The following ARHGEF1 variants were observed in gnomAD, a reference collection of about 807,000 sequenced individuals.
The protein encoded by ARHGEF1 is Rho guanine nucleotide exchange factor 1.
ARHGEF1 carries 40 observed loss-of-function variants against 119.7 expected under a neutral mutation model. That is an observed-to-expected ratio of 0.33 (90% CI 0.26 to 0.44). The LOEUF is 0.44. Among genes scored for constraint, ARHGEF1 ranks in the 20% least tolerant of loss-of-function variants. The pLI, the probability that ARHGEF1 is intolerant of heterozygous loss-of-function variation, is 1.00. For missense variants in ARHGEF1, 976 were observed against 1,268.3 expected (o/e 0.77, Z 3.50); for synonymous variants, 494 against 521.0 (o/e 0.95, Z 0.71).
rs1051463397 is a variant in ARHGEF1 at position 41,884,382 on chromosome 19, G to T, written c.-20+1093G>T. The T allele has an allele frequency of 1.9e-6, 3 of 1,563,248 alleles. No individual in the cohort carries two copies. The African/African-American group carries it at 4.0e-5, about 21-fold the overall frequency. The stretch of plus-strand genomic sequence containing the variant: ...GAGGAGTGGAGCTGGGCGCAAAGGT[G>T]GACTCAGGGCGGCTAGAGCGACGCG... On this transcript the variant is annotated intron_variant, in intron 1 of 28. Transcript: ENST00000354532.
chr19:41,892,906 G>A lies in ARHGEF1; in HGVS notation c.614+57G>A, dbSNP rs1056021857. ...CCCTCCCCAGCACAAGGGCACCCGT[G>A]CTACCTCTGGCATGTTCCATCCCGT... On this transcript the variant is annotated intron_variant, in intron 7 of 28. Transcript: ENST00000354532. This position sits in a 1 kb window ranked among gnomAD's most constrained non-coding sequence, Gnocchi z 6.3. 9 of 1,443,322 alleles carry A rather than the reference G, an allele frequency of 6.2e-6. No homozygotes were observed. The highest frequency in any genetic ancestry group is 2.8e-5 in the African/African-American group (2 of 70,182). The allele number at this position is 1,443,322 out of a possible 1,614,324, so 89.4% of individuals were successfully genotyped here. A position where few individuals can be genotyped will look rare whatever the true frequency, so the allele number is the denominator to read the frequency against.
At chr19:41,908,180 C>T, downstream of ARHGEF1, 7 of 1,225,640 alleles carry the variant, frequency 5.7e-6, no homozygotes, top group Non-Finnish European at 6.1e-6. The surrounding 1 kb of genome is among the most constrained non-coding windows in gnomAD (Gnocchi z 6.7). Flanking sequence ...GGCAGACGGG[C>T]AGCCACCCTG....
At chr19:41,927,381 A>G (rs782455994) in intron 1 of ARHGEF1, among the ~76,000 whole-genome samples, 9 of 152,070 alleles carry the variant, frequency 5.9e-5, no homozygotes, top group Non-Finnish European at 1.0e-4. Context: ...CTCATACCAA[A>G]TATCCAGACC....
At chr19:41,897,923 C>T (rs1166247669) in intron 13 of ARHGEF1, 2 of 1,295,764 alleles carry the variant, frequency 1.5e-6, no homozygotes, top group Admixed American at 7.3e-5. Flanking sequence ...CTGCCTGACT[C>T]TGTCCTTGGC....
At position 41,894,474 on chromosome 19, in the gene ARHGEF1, C is replaced by A; in HGVS notation, c.768C>A (p.Asp256Glu). The stretch of plus-strand genomic sequence containing the variant: ...AGGTGATGGGGAACCGGCGGTCGGA[C>A]GAGCCTGCCAAGACCAAGAAGGGGC... ...RKKVMGNRRS[D>E]EPAKTKKGLS... The change falls in exon 10 of 29, where the codon GAC becomes GAA. Residue 256 changes from aspartate (D) to glutamate (E), a missense_variant. By Grantham distance (45) the Asp-to-Glu change is conservative. Around this residue, in one of 3 missense-constraint regions of ARHGEF1, gnomAD observed 519 missense variants for 580.9 expected, o/e 0.89. Transcript: ENST00000354532. 1 of 1,570,102 alleles carries A rather than the reference C, an allele frequency of 6.4e-7. No individual in the cohort carries two copies. The highest frequency in any genetic ancestry group is 1.2e-5 in the South Asian group (1 of 84,090).
Position 41,917,012 on chromosome 19 carries a change from G to GCA in ARHGEF1, c.1866-6080_1866-6079insCA, listed in dbSNP as rs200291630. Among the ~76,000 whole-genome samples, 4 of 97,208 alleles carry GCA rather than the reference G, an allele frequency of 4.1e-5. No individual in the cohort carries two copies. In the African/African-American group the frequency reaches 6.3e-4, roughly 15 times the overall value. 63.8% of individuals were successfully genotyped at this position (97,208 alleles called of 152,430 possible). ...TTCCCAAGCATGTCTCTGCATGGGT[G>GCA]TGTGTGTGTGTGTGCACATATGTGA... On this transcript the variant is annotated intron_variant, in intron 18 of 20. Coordinates refer to the ARHGEF1 transcript ENST00000599589. The surrounding 1 kb of genome is among the most constrained non-coding windows in gnomAD (Gnocchi z 4.8).
At position 41,895,335 on chromosome 19, in the gene ARHGEF1, C is replaced by A; in HGVS notation, c.878-14C>A. 1 of 1,596,714 alleles carries A rather than the reference C, an allele frequency of 6.3e-7. No individual in the cohort carries two copies. The highest frequency in any genetic ancestry group is 8.6e-7 in the Non-Finnish European group (1 of 1,168,990). On this transcript the variant is annotated splice_polypyrimidine_tract_variant and intron_variant, in intron 11 of 28. Transcript: ENST00000354532. ...TTCTCTTATCTCCCTCTTTCTCCCT[C>A]ACTGTCTCCCCAGCCGAGAAGCCAG...
Position 41,884,375 on chromosome 19 carries a change from C to T in ARHGEF1, c.-20+1086C>T, listed in dbSNP as rs563042084. On this transcript the variant is annotated intron_variant, in intron 1 of 28. Coordinates refer to ENST00000354532, the MANE Select transcript of ARHGEF1 (RefSeq NM_004706.4). ...CTGGCAGGAGGAGTGGAGCTGGGCG[C>T]AAAGGTGGACTCAGGGCGGCTAGAG... The T allele has an allele frequency of 2.2e-5, 34 of 1,549,648 alleles. No homozygotes were observed. In the East Asian group the frequency reaches 7.1e-4, roughly 32 times the overall value.
Position 41,904,265 on chromosome 19 carries a change from G to A in ARHGEF1, c.2043G>A (p.Gln681=). ...LDDLLLLLQR[Q]DERLLLKSHS... ...ACCTGCTGCTGCTGCTCCAGCGCCA[G>A]GACGAGCGGCTGCTGCTCAAGTCCC... The change falls in exon 22 of 29, where the codon CAG becomes CAA. Residue 681 remains glutamine, a synonymous_variant. Transcript: ENST00000354532. The surrounding 1 kb of genome is among the most constrained non-coding windows in gnomAD (Gnocchi z 8.4). The A allele has an allele frequency of 6.2e-7, 1 of 1,613,112 alleles. No individual in the cohort carries two copies. Among genetic ancestry groups the A allele is most frequent in the Non-Finnish European group, 8.5e-7 (1 of 1,179,844 alleles).
intron 11 of ARHGEF1, 65 bp from the exon 12 acceptor site, chr19:41,895,284 C>T (rs1395031623): frequency 1.3e-6 from 2 of 1,543,300 alleles, no homozygotes; most frequent in East Asian, 4.5e-5. Context: ...CTTGCATCCC[C>T]TGGCGGTTGT....
At chr19:41,909,311 C>A (rs544928829), downstream of ARHGEF1, 6 of 1,234,662 alleles carry the variant, frequency 4.9e-6, no homozygotes, top group East Asian at 1.9e-4. This position sits in a 1 kb window ranked among gnomAD's most constrained non-coding sequence, Gnocchi z 5.2. Flanking sequence ...GGCCCTGGGG[C>A]CCCCCCAAAG....
At chr19:41,908,032 T>C, downstream of ARHGEF1, 2 of 436,974 alleles carry the variant, frequency 4.6e-6, no homozygotes. This position sits in a 1 kb window ranked among gnomAD's most constrained non-coding sequence, Gnocchi z 6.7. Flanking sequence ...CCGGAGGCCA[T>C]CACATTCCCT....
intron 9 of ARHGEF1, 71 bp from the exon 10 acceptor site, chr19:41,894,380 C>G: frequency 6.6e-7 from 1 of 1,518,370 alleles, no homozygotes; most frequent in Non-Finnish European, 8.9e-7. Flanking sequence ...CTCTGGATAC[C>G]TAGCGTCAAA....
intron 14 of ARHGEF1, among the ~76,000 whole-genome samples, chr19:41,901,653 A>G (rs1296059059): frequency 6.6e-6 from 1 of 152,086 alleles, no homozygotes; most frequent in South Asian, 2.1e-4. Flanking sequence ...GGGTTTCACC[A>G]TGTTGCCCAG....
Position 41,906,987 on chromosome 19 carries a change from G to A in ARHGEF1, c.*18-118G>A, listed in dbSNP as rs1242996234. On this transcript the variant is annotated intron_variant, in intron 28 of 28. Transcript: ENST00000354532. This position sits in a 1 kb window ranked among gnomAD's most constrained non-coding sequence, Gnocchi z 4.5. ...AATCTGTTTCTCTGTCTCTGTGCCC[G>A]CCTGCCTCTCCCCACCTCCCCTTCT... The A allele has an allele frequency of 1.4e-5, 15 of 1,056,890 alleles. No individual in the cohort carries two copies. Among genetic ancestry groups the A allele is most frequent in the Admixed American group, 3.0e-5 (1 of 33,508 alleles). The allele number at this position is 1,056,890 out of a possible 1,614,324, so 65.5% of individuals were successfully genotyped here.
At chr19:41,913,701 A>G (rs1423533434) in intron 18 of ARHGEF1, among the ~76,000 whole-genome samples, 19 of 113,656 alleles carry the variant, frequency 1.7e-4, no homozygotes, top group Non-Finnish European at 2.0e-4. Context: ...CCCCTCCCTC[A>G]GACACTCCCT....
chr19:41,927,818 G>A (rs1260224323), intron 1 of ARHGEF1, among the ~76,000 whole-genome samples: 1 of 147,122 alleles, frequency 6.8e-6, no homozygotes, highest in African/African-American at 2.5e-5. Flanking sequence ...CCCCTGTCCC[G>A]AGGCCGCACC....
rs2074669728 is a variant in ARHGEF1, at chr19:41,905,159, T to C, written c.2250-16T>C. 1 of 1,613,772 alleles carries C rather than the reference T, an allele frequency of 6.2e-7. No individual in the cohort carries two copies. The highest frequency in any genetic ancestry group is 8.5e-7 in the Non-Finnish European group (1 of 1,179,792). ...TGGGGGCTCTGACTGCCCAGGGATT[T>C]GGCCTTTCTCCCCAGCTGGTGTGCT... On this transcript the variant is annotated splice_polypyrimidine_tract_variant and intron_variant, in intron 23 of 28. Coordinates refer to ENST00000354532, the MANE Select transcript of ARHGEF1 (RefSeq NM_004706.4). This position sits in a 1 kb window ranked among gnomAD's most constrained non-coding sequence, Gnocchi z 6.4.
intron 13 of ARHGEF1, chr19:41,897,240 C>A (rs2074519651): frequency 1.6e-6 from 2 of 1,271,834 alleles, no homozygotes; most frequent in Non-Finnish European, 1.0e-6. Context: ...GCTTTGGGGA[C>A]CCTTTGGTGG....
Sources: allele counts gnomAD v4.1 joint callset (sites outside exome capture counted in the v4.1 genomes callset), GRCh38; gene constraint gnomAD v4.1.1; regional missense constraint gnomAD v4.1.1; non-coding constraint Gnocchi (gnomAD v3.1); transcripts MANE v1.5; gene names NCBI Gene and HGNC (gene_info 2026-07-23, HGNC 2026-07-21).